GARNL3: variants seen among roughly 807,000 people sequenced by gnomAD.
The protein encoded by GARNL3 is GTPase-activating Rap/Ran-GAP domain-like protein 3.
In GARNL3, 63 loss-of-function variants were observed where a neutral mutation model predicts 125.0. The ratio of observed to expected loss-of-function variants is 0.50; its 90% CI spans 0.41 to 0.62. The LOEUF is 0.62. GARNL3 is among the 20% of genes least tolerant of loss of function. The probability of loss-of-function intolerance (pLI) is 0.00; values close to 1 mark genes in which losing one functional copy is unlikely to be tolerated. For missense variants in GARNL3, 994 were observed against 1,244.0 expected, an observed-to-expected ratio of 0.80 and a Z score of 3.02; for synonymous variants, 439 against 457.5, an observed-to-expected ratio of 0.96 and a Z score of 0.52.
chr9:127,305,089 T>C (rs1218057842), intron 2 of GARNL3, among the ~76,000 whole-genome samples: 1 of 152,220 alleles, frequency 6.6e-6, no homozygotes, highest in Admixed American at 6.5e-5. Flanking sequence ...TCCATGGTGA[T>C]AGAAGTTAGG....
Position 127,388,904 on chromosome 9 carries a change from G to T in GARNL3, c.2528G>T (p.Gly843Val). Residue 843 changes from glycine (G) to valine (V), a missense_variant and splice_region_variant, in exon 26 of 28, where the codon GGT becomes GTT. Gly to Val is a moderately radical substitution (Grantham distance 109). Around this residue, in one of 5 missense-constraint regions of GARNL3, gnomAD observed 728 missense variants for 865.7 expected, o/e 0.84. Coordinates refer to ENST00000373387, the MANE Select transcript of GARNL3 (RefSeq NM_032293.5). ...TGTTCTTTTTGAAATCACATTTCAG[G>T]TGAAATTCAATCAAAAAATCTGTAC... ...TPVFPSSLGEGEIQSKNLYKI... is the reference protein window; with the variant it reads ...TPVFPSSLGEVEIQSKNLYKI... 6.4e-7 allele frequency: 1 copy of T among 1,567,670 alleles called. No homozygotes were observed. Among genetic ancestry groups the T allele is most frequent in the Non-Finnish European group, 8.8e-7 (1 of 1,137,712 alleles).
chr9:127,388,711 C>A, intron 25 of GARNL3, 193 bp from the exon 26 acceptor site: 1 of 591,480 alleles, frequency 1.7e-6, no homozygotes, highest in Non-Finnish European at 3.0e-6. Context: ...CATGAAAATG[C>A]TCTTAGAAAA....
rs1832462401 is a variant in GARNL3 at position 127,384,967 on chromosome 9, A to G, written c.2270-60A>G. The G allele has an allele frequency of 7.2e-6, 7 of 971,652 alleles. No homozygotes were observed. The highest frequency in any genetic ancestry group is 8.1e-6 in the Non-Finnish European group (5 of 620,392). The allele number at this position is 971,652 out of a possible 1,614,324, so 60.2% of individuals were successfully genotyped here. A position where few individuals can be genotyped will look rare whatever the true frequency, so the allele number is the denominator to read the frequency against. ...AAGTGAGTGTGACTATGACACAGTC[A>G]CAGCCCCTTCGCGGCCACCAAGCCA... On this transcript the variant is annotated intron_variant, in intron 23 of 27. Transcript: ENST00000373387. The surrounding 1 kb of genome is among the most constrained non-coding windows in gnomAD (Gnocchi z 4.0).
chr9:127,247,697 A>G (rs115800057), intron 2 of GARNL3, among the ~76,000 whole-genome samples: 2,361 of 152,218 alleles, frequency 0.016, 64 homozygotes, highest in African/African-American at 0.055. Flanking sequence ...ATATTTTGAT[A>G]CAGTTATGCA....
chr9:127,380,230 G>A (rs1832176194), intron 22 of GARNL3, among the ~76,000 whole-genome samples: 1 of 151,526 alleles, frequency 6.6e-6, no homozygotes, highest in African/African-American at 2.4e-5. Context: ...GTGTGTGTGT[G>A]TGTGTGTGTC....
chr9:127,280,912 G>C lies in GARNL3; in HGVS notation c.145-10256G>C, dbSNP rs1023246494. On this transcript the variant is annotated intron_variant, in intron 1 of 27. Coordinates refer to ENST00000373387, the MANE Select transcript of GARNL3 (RefSeq NM_032293.5). The surrounding 1 kb of genome is among the most constrained non-coding windows in gnomAD (Gnocchi z 4.5). ...ACAGATAAGGTGGAGGATGTGATGGGAAGTACAAAAATAATGGCTCAGAAG... is the reference window on the plus strand; with the variant it reads ...ACAGATAAGGTGGAGGATGTGATGGCAAGTACAAAAATAATGGCTCAGAAG... Among the ~76,000 whole-genome samples, 2 of 152,178 alleles carry C rather than the reference G, an allele frequency of 1.3e-5. No individual in the cohort carries two copies. The highest frequency in any genetic ancestry group is 4.8e-5 in the African/African-American group (2 of 41,418).
intron 22 of GARNL3, chr9:127,367,135 G>A (rs1564184781): frequency 6.6e-6 from 1 of 152,166 alleles, no homozygotes; most frequent in Non-Finnish European, 1.5e-5. Flanking sequence ...AAGACATTGG[G>A]AGGCATCTGG....
At chr9:127,344,428 C>T (rs1402346545) in intron 15 of GARNL3, 89 bp downstream of exon 15, 1 of 861,482 alleles carries the variant, frequency 1.2e-6, no homozygotes, top group Non-Finnish European at 1.9e-6. Context: ...ACTTTGTTTG[C>T]CTGCTGCTGT....
intron 3 of GARNL3, among the ~76,000 whole-genome samples, chr9:127,313,067 G>A (rs2065138210): frequency 6.6e-6 from 1 of 152,132 alleles, no homozygotes; most frequent in African/African-American, 2.4e-5. Context: ...TGGCAGCTTG[G>A]CCCTTGGGCT....
At chr9:127,314,730 G>T (rs1465573546) in intron 4 of GARNL3, among the ~76,000 whole-genome samples, 1 of 152,172 alleles carries the variant, frequency 6.6e-6, no homozygotes, top group Non-Finnish European at 1.5e-5. Context: ...AATGCAGGGG[G>T]AACATTTGCT....
At chr9:127,330,649 G>A (rs933527328) in intron 7 of GARNL3, among the ~76,000 whole-genome samples, 1 of 152,168 alleles carries the variant, frequency 6.6e-6, no homozygotes, top group Non-Finnish European at 1.5e-5. Context: ...GCTTCGAGGA[G>A]AATAAACAAG....
At chr9:127,273,883 C>T (rs10987585) in intron 1 of GARNL3, among the ~76,000 whole-genome samples, 23,309 of 152,000 alleles carry the variant, frequency 0.15, 2,473 homozygotes, top group East Asian at 0.43. Flanking sequence ...TAGGAAGCTC[C>T]GAACTCCATT....
intron 19 of GARNL3, among the ~76,000 whole-genome samples, chr9:127,355,013 G>A (rs984736542): frequency 2.4e-4 from 37 of 152,282 alleles, no homozygotes; most frequent in African/African-American, 8.4e-4. Flanking sequence ...GGCTGGTCTC[G>A]AATTCCCGAC....
At chr9:127,301,090 G>A (rs2064770394) in intron 2 of GARNL3, 1 of 162,258 alleles carries the variant, frequency 6.2e-6, no homozygotes, top group African/African-American at 2.4e-5. Flanking sequence ...CATAGCCCCA[G>A]ACTGTAAGTC....
At position 127,280,706 on chromosome 9, in the gene GARNL3, G is replaced by T. The variant is rs1203342059; in HGVS notation, c.145-10462G>T. Among the ~76,000 whole-genome samples the T allele has an allele frequency of 6.6e-6, 1 of 152,218 alleles. No homozygotes were observed. Among genetic ancestry groups the T allele is most frequent in the African/African-American group, 2.4e-5 (1 of 41,460 alleles). ...GGTGAATTTTCACAAGTCTTTTACT[G>T]GGAAATGGAGTATCAGGGACTACTG... On this transcript the variant is annotated intron_variant, in intron 1 of 27. Transcript: ENST00000373387. The surrounding 1 kb of genome is among the most constrained non-coding windows in gnomAD (Gnocchi z 4.5).
rs748336148 is a variant in GARNL3 at position 127,353,940 on chromosome 9, C to A, written c.1638C>A (p.Asp546Glu). The change falls in exon 18 of 28, where the codon GAC becomes GAA. Residue 546 changes from aspartate (D) to glutamate (E), a missense_variant. Asp to Glu is a conservative substitution (Grantham distance 45, BLOSUM62 2). Around this residue, in one of 5 missense-constraint regions of GARNL3, gnomAD observed 728 missense variants for 865.7 expected, o/e 0.84. Transcript: ENST00000373387. ...ETLDLLVLRA[D>E]KGKDARLFVF... ...TGGACCTTCTGGTTCTCAGAGCAGA[C>A]AAAGGTGGTATTCCCTGCCGGGTGG... 1.2e-6 allele frequency: 2 copies of A among 1,605,982 alleles called. No individual in the cohort carries two copies. Among genetic ancestry groups the A allele is most frequent in the South Asian group, 2.2e-5 (2 of 90,886 alleles).
intron 2 of GARNL3, among the ~76,000 whole-genome samples, chr9:127,254,187 A>G (rs977445157): frequency 6.6e-6 from 1 of 152,200 alleles, no homozygotes; most frequent in African/African-American, 2.4e-5. Context: ...ATTCTAATTG[A>G]GGAGGTCTAG....
chr9:127,345,130 A>G (rs1830067662), intron 15 of GARNL3, among the ~76,000 whole-genome samples: 1 of 152,012 alleles, frequency 6.6e-6, no homozygotes, highest in African/African-American at 2.4e-5. Flanking sequence ...GAGAATCTGC[A>G]TTTTTTCAAG....
At chr9:127,226,749 C>T (rs1393094408) in intron 1 of GARNL3, among the ~76,000 whole-genome samples, 1 of 152,190 alleles carries the variant, frequency 6.6e-6, no homozygotes, top group Non-Finnish European at 1.5e-5. Flanking sequence ...TGTAGTTACC[C>T]AGGTAGTATG....
Sources: allele counts gnomAD v4.1 joint callset (sites outside exome capture counted in the v4.1 genomes callset), GRCh38; gene constraint gnomAD v4.1.1; regional missense constraint gnomAD v4.1.1; non-coding constraint Gnocchi (gnomAD v3.1); transcripts MANE v1.5; gene names NCBI Gene and HGNC (gene_info 2026-07-23, HGNC 2026-07-21).